ZNF69: variants seen among roughly 807,000 people sequenced by gnomAD.
ZNF69 encodes ZNF3.
Under a neutral mutation model 50.9 loss-of-function variants are expected in ZNF69, and 47 were observed. The ratio of observed to expected loss-of-function variants is 0.92; its 90% CI spans 0.73 to 1.18. The LOEUF (loss-of-function observed/expected upper bound fraction) is 1.18, where lower values mean the gene tolerates loss of function less well. Among genes scored for constraint, ZNF69 ranks in the 50% most tolerant of loss-of-function variants. ZNF69 has a pLI of 0.00. For missense variants in ZNF69, 717 were observed against 675.1 expected (o/e 1.06, Z -0.69); for synonymous variants, 216 against 223.1 (o/e 0.97, Z 0.29).
chr19:11,889,764 C>A (rs1002078900), intron 1 of ZNF69, among the ~76,000 whole-genome samples: 1 of 152,160 alleles, frequency 6.6e-6, no homozygotes, highest in African/African-American at 2.4e-5. Flanking sequence ...GGACCTGCAC[C>A]GGCGCTGGTC....
Position 11,905,229 on chromosome 19 carries a change from T to G in ZNF69, c.832T>G (p.Cys278Gly). 1 of 1,614,180 alleles carries G rather than the reference T, an allele frequency of 6.2e-7. No homozygotes were observed. The highest frequency in any genetic ancestry group is 1.6e-4 in the Middle Eastern group (1 of 6,062). Reference protein sequence around the residue: ...RTHTGEKPYECQQCGKAFHSP... With the variant: ...RTHTGEKPYEGQQCGKAFHSP... ...TCACACTGGAGAAAAGCCTTATGAATGTCAGCAATGTGGGAAAGCATTTCA... is the reference window on the plus strand; with the variant it reads ...TCACACTGGAGAAAAGCCTTATGAAGGTCAGCAATGTGGGAAAGCATTTCA... The change falls in exon 4 of 4, where the codon TGT becomes GGT. Residue 278 changes from cysteine (C) to glycine (G), a missense_variant. Cys to Gly is a radical substitution (Grantham distance 159). Coordinates refer to ENST00000429654, the MANE Select transcript of ZNF69 (RefSeq NM_001364730.1).
the ZNF69 span, among the ~76,000 whole-genome samples, chr19:11,942,577 G>C: frequency 6.6e-6 from 1 of 152,196 alleles, no homozygotes; most frequent in East Asian, 1.9e-4. Context: ...CCCAGAGAGA[G>C]AGAAATTCCT....
At chr19:11,897,590 GAGTC>G (rs1367095621) in intron 1 of ZNF69, among the ~76,000 whole-genome samples, 1 of 146,758 alleles carries the variant, frequency 6.8e-6, no homozygotes, top group Non-Finnish European at 1.5e-5. Flanking sequence ...AAAAAAAAAA[GAGTC>G]AGGTGCGGTA....
At chr19:11,919,500 T>G in the ZNF69 span, among the ~76,000 whole-genome samples, 2 of 152,148 alleles carry the variant, frequency 1.3e-5, no homozygotes, top group African/African-American at 2.4e-5. Flanking sequence ...GGCTCACTCC[T>G]GTAATCCCAG....
the ZNF69 span, among the ~76,000 whole-genome samples, chr19:11,973,613 T>G: frequency 6.6e-6 from 1 of 152,212 alleles, no homozygotes; most frequent in Non-Finnish European, 1.5e-5. Context: ...CCTGGTGTGA[T>G]GCCTCATCCC....
At chr19:11,925,228 C>T in the ZNF69 span, 15 of 1,613,102 alleles carry the variant, frequency 9.3e-6, no homozygotes, top group Non-Finnish European at 1.2e-5. Flanking sequence ...GCTGTAGTCA[C>T]AGGAGCTGTA....
the ZNF69 span, among the ~76,000 whole-genome samples, chr19:11,932,995 T>A: frequency 6.7e-6 from 1 of 148,744 alleles, no homozygotes; most frequent in African/African-American, 2.6e-5. Flanking sequence ...TTACATGGAA[T>A]GATAGTTAAT....
the ZNF69 span, chr19:11,947,300 C>G: frequency 6.2e-7 from 1 of 1,613,906 alleles, no homozygotes; most frequent in Non-Finnish European, 8.5e-7. Flanking sequence ...GGAACCTGAC[C>G]TCTATAGGTA....
At chr19:11,892,544 T>G (rs985208722) in intron 1 of ZNF69, among the ~76,000 whole-genome samples, 1 of 151,770 alleles carries the variant, frequency 6.6e-6, no homozygotes, top group Non-Finnish European at 1.5e-5. Flanking sequence ...GATGGCTTGA[T>G]CTCAGGAGTT....
rs755880565 is a variant in ZNF69 at position 11,905,669 on chromosome 19, C to T, written c.1272C>T (p.Ala424=). 1 of 1,613,906 alleles carries T rather than the reference C, an allele frequency of 6.2e-7. No homozygotes were observed. Among genetic ancestry groups the T allele is most frequent in the South Asian group, 1.1e-5 (1 of 91,076 alleles). ...ATGAGTGTAAGCAATGTGGGAAGGC[C>T]TTCAGATCTTCCTCACACCTTCAAT... The part of the protein sequence containing the change: ...KPYECKQCGK[A]FRSSSHLQLH... Residue 424 remains alanine (A), a synonymous_variant, in exon 4 of 4, where the codon GCC becomes GCT. Transcript: ENST00000429654.
At chr19:11,935,084 G>T in the ZNF69 span, among the ~76,000 whole-genome samples, 1 of 143,306 alleles carries the variant, frequency 7.0e-6, no homozygotes, top group Non-Finnish European at 1.5e-5. Context: ...GCTGAGGCAG[G>T]AGAATGGCAT....
At chr19:11,968,517 T>C in the ZNF69 span, among the ~76,000 whole-genome samples, 1 of 152,194 alleles carries the variant, frequency 6.6e-6, no homozygotes, top group African/African-American at 2.4e-5. Context: ...GCTGGGATTA[T>C]AGACATGAGC....
the ZNF69 span, among the ~76,000 whole-genome samples, chr19:11,939,696 A>G: frequency 6.6e-6 from 1 of 152,178 alleles, no homozygotes; most frequent in Non-Finnish European, 1.5e-5. Context: ...GCTGACCTCC[A>G]TAATTGCACC....
intron 1 of ZNF69, among the ~76,000 whole-genome samples, chr19:11,897,958 T>A (rs530145533): frequency 1.3e-5 from 2 of 152,266 alleles, no homozygotes; most frequent in South Asian, 4.1e-4. Flanking sequence ...TTTAGCAGAC[T>A]GTTGCTGATA....
intron 1 of ZNF69, among the ~76,000 whole-genome samples, chr19:11,890,215 G>A (rs1280032765): frequency 6.6e-6 from 1 of 152,180 alleles, no homozygotes; most frequent in Admixed American, 6.5e-5. Flanking sequence ...GGGATGGTAA[G>A]GTCTTTCCTT....
At position 11,903,803 on chromosome 19, in the gene ZNF69, A is replaced by C; in HGVS notation, c.191-102A>C. On this transcript the variant is annotated intron_variant, in intron 2 of 3. Transcript: ENST00000429654. ...AACATAGACAGGAAATACTTTGATG[A>C]ATAAATGAGGTATGGCTGCAGTAAA... 1.9e-6 allele frequency: 3 copies of C among 1,603,176 alleles called. No individual in the cohort carries two copies. In the East Asian group the frequency reaches 6.7e-5, roughly 36 times the overall value.
the ZNF69 span, chr19:11,946,838 G>A: frequency 1.5e-5 from 3 of 204,888 alleles, no homozygotes; most frequent in African/African-American, 2.3e-5. Context: ...CTACAAGAGG[G>A]AAAGGGTAAA....
At chr19:11,941,636 G>A in the ZNF69 span, among the ~76,000 whole-genome samples, 3 of 152,242 alleles carry the variant, frequency 2.0e-5, no homozygotes, top group Admixed American at 6.5e-5. Flanking sequence ...CAGCTGGCCC[G>A]CAAGCGCCGC....
At chr19:11,949,973 G>A in the ZNF69 span, 1 of 1,614,116 alleles carries the variant, frequency 6.2e-7, no homozygotes, top group East Asian at 2.2e-5. Context: ...CCCTATGAAT[G>A]TAAGGAATGC....
Sources: allele counts gnomAD v4.1 joint callset (sites outside exome capture counted in the v4.1 genomes callset), GRCh38; gene constraint gnomAD v4.1.1; transcripts MANE v1.5; gene names NCBI Gene and HGNC (gene_info 2026-07-23, HGNC 2026-07-21).